Variants in RPH3A observed in about 807,000 individuals in gnomAD.
RPH3A encodes the protein rabphilin-3A.
Under a neutral mutation model 102.2 loss-of-function variants are expected in RPH3A, and 48 were observed. That is an observed-to-expected ratio of 0.47 (90% confidence interval 0.37 to 0.60). The LOEUF (loss-of-function observed/expected upper bound fraction) is 0.60, where lower values mean the gene tolerates loss of function less well. Among genes scored for constraint, RPH3A ranks in the 20% least tolerant of loss-of-function variants. The probability of loss-of-function intolerance (pLI) is 0.00; values close to 1 mark genes in which losing one functional copy is unlikely to be tolerated. For synonymous variants in RPH3A, 310 were observed against 324.3 expected, an observed-to-expected ratio of 0.96 and a Z score of 0.47; for missense variants, 781 against 910.1, an observed-to-expected ratio of 0.86 and a Z score of 1.83.
chr12:112,885,617 G>T (rs1349800905), intron 16 of RPH3A, among the ~76,000 whole-genome samples: 1 of 152,036 alleles, frequency 6.6e-6, no homozygotes, highest in Non-Finnish European at 1.5e-5. Flanking sequence ...TACATAGTAG[G>T]TGTATATATT....
chr12:112,663,284 A>G (rs1832454195), intron 1 of RPH3A, among the ~76,000 whole-genome samples: 1 of 152,076 alleles, frequency 6.6e-6, no homozygotes, highest in African/African-American at 2.4e-5. Context: ...ATCTTGGCTC[A>G]CTGCAGCCTT....
intron 14 of RPH3A, among the ~76,000 whole-genome samples, chr12:112,881,055 C>T (rs923808329): frequency 1.3e-5 from 2 of 152,004 alleles, no homozygotes; most frequent in African/African-American, 4.8e-5. Context: ...CAGTTCACAC[C>T]CGTGTTGTTC....
chr12:112,586,500 G>A (rs768423831), intron 1 of RPH3A, among the ~76,000 whole-genome samples: 5 of 152,084 alleles, frequency 3.3e-5, no homozygotes, highest in Admixed American at 6.6e-5. Context: ...CAGGAAGAAG[G>A]CATGGCAAGG....
At chr12:112,629,286 A>G (rs976459678) in intron 1 of RPH3A, among the ~76,000 whole-genome samples, 1 of 152,056 alleles carries the variant, frequency 6.6e-6, no homozygotes, top group African/African-American at 2.4e-5. Flanking sequence ...CTTTCCTCCA[A>G]GAAATTAACC....
At chr12:112,594,104 C>T (rs77185973) in intron 1 of RPH3A, among the ~76,000 whole-genome samples, 3,124 of 152,286 alleles carry the variant, frequency 0.021, 48 homozygotes, top group Middle Eastern at 0.068. Context: ...ACTTTTGTTT[C>T]GGTACTGCCT....
intron 2 of RPH3A, among the ~76,000 whole-genome samples, chr12:112,802,551 G>A (rs748306102): frequency 4.6e-5 from 7 of 152,220 alleles, no homozygotes; most frequent in East Asian, 1.9e-4. Flanking sequence ...GTGTATGTGC[G>A]TGAGTGTGTG....
intron 1 of RPH3A, among the ~76,000 whole-genome samples, chr12:112,679,582 C>T (rs1245132009): frequency 2.0e-5 from 3 of 152,170 alleles, no homozygotes; most frequent in Non-Finnish European, 2.9e-5. Flanking sequence ...TGCACCACCA[C>T]GCCCGGCTAA....
intron 16 of RPH3A, among the ~76,000 whole-genome samples, chr12:112,886,804 A>C (rs953773318): frequency 2.0e-5 from 3 of 152,240 alleles, no homozygotes; most frequent in Non-Finnish European, 4.4e-5. Flanking sequence ...TATCTTCTCT[A>C]AATGGTAAAT....
intron 1 of RPH3A, among the ~76,000 whole-genome samples, chr12:112,686,344 C>T (rs956221522): frequency 1.3e-5 from 2 of 152,160 alleles, no homozygotes; most frequent in Admixed American, 6.5e-5. Flanking sequence ...AACCCATGCC[C>T]TTGCAATGCC....
intron 1 of RPH3A, among the ~76,000 whole-genome samples, chr12:112,697,406 T>C (rs1164387199): frequency 6.6e-6 from 1 of 152,130 alleles, no homozygotes; most frequent in Non-Finnish European, 1.5e-5. Flanking sequence ...GAAACAGACA[T>C]AAAATGCTGT....
At chr12:112,844,839 C>T (rs2042203328) in intron 4 of RPH3A, among the ~76,000 whole-genome samples, 2 of 152,174 alleles carry the variant, frequency 1.3e-5, no homozygotes, top group Non-Finnish European at 2.9e-5. Flanking sequence ...GCTGGGCAGC[C>T]CTGACACAAG....
intron 1 of RPH3A, among the ~76,000 whole-genome samples, chr12:112,663,172 A>G: frequency 6.6e-6 from 1 of 151,906 alleles, no homozygotes; most frequent in Middle Eastern, 3.2e-3. Context: ...TGAGTGAAAC[A>G]TATACCCTTA....
At chr12:112,825,466 C>T (rs2041850910) in intron 2 of RPH3A, among the ~76,000 whole-genome samples, 1 of 152,062 alleles carries the variant, frequency 6.6e-6, no homozygotes, top group South Asian at 2.1e-4. Context: ...TCAGGACCCC[C>T]TAGACACGCC....
chr12:112,747,131 C>A (rs564199170), intron 1 of RPH3A, among the ~76,000 whole-genome samples: 25 of 152,252 alleles, frequency 1.6e-4, no homozygotes, highest in Non-Finnish European at 3.4e-4. Flanking sequence ...AGGTTTGTGT[C>A]CTCTCCTTCC....
chr12:112,720,090 T>G (rs2040540777), intron 1 of RPH3A, among the ~76,000 whole-genome samples: 1 of 152,256 alleles, frequency 6.6e-6, no homozygotes, highest in Non-Finnish European at 1.5e-5. Flanking sequence ...CTGAATCTCT[T>G]TGTTATGGCA....
intron 2 of RPH3A, among the ~76,000 whole-genome samples, chr12:112,794,560 A>G (rs2041189113): frequency 2.0e-5 from 3 of 151,976 alleles, no homozygotes; most frequent in South Asian, 4.2e-4. Flanking sequence ...CTCCAAAGAG[A>G]CTCTTCTCAG....
intron 1 of RPH3A, among the ~76,000 whole-genome samples, chr12:112,650,560 T>C (rs1251078334): frequency 6.6e-6 from 1 of 152,110 alleles, no homozygotes; most frequent in Non-Finnish European, 1.5e-5. Context: ...CTTTTATATA[T>C]CCTTTTTTAT....
intron 1 of RPH3A, among the ~76,000 whole-genome samples, chr12:112,612,507 G>A (rs1216982582): frequency 6.6e-6 from 1 of 151,670 alleles, no homozygotes; most frequent in Non-Finnish European, 1.5e-5. Context: ...GGAGTGTCTG[G>A]GCCCTAGAGG....
chr12:112,667,374 C>T (rs1019821693), intron 1 of RPH3A, among the ~76,000 whole-genome samples: 5 of 152,108 alleles, frequency 3.3e-5, no homozygotes, highest in Admixed American at 6.6e-5. Context: ...TTTAATTCTT[C>T]CTCCCACCCT....
Sources: allele counts gnomAD v4.1 joint callset (sites outside exome capture counted in the v4.1 genomes callset), GRCh38; gene constraint gnomAD v4.1.1; transcripts MANE v1.5; gene names NCBI Gene and HGNC (gene_info 2026-07-23, HGNC 2026-07-21).